The following VSTM2B variants were observed in gnomAD, a reference collection of about 807,000 sequenced individuals.
VSTM2B encodes V-set and transmembrane domain containing 2B, also known as V-set and transmembrane domain-containing protein 2B.
Under a neutral mutation model 24.0 loss-of-function variants are expected in VSTM2B, and 24 were observed. The observed-to-expected ratio is 1.00, with a 90% CI of 0.72 to 1.40. The LOEUF is 1.40. VSTM2B is among the 40% of genes most tolerant of loss of function. The probability of loss-of-function intolerance (pLI) is 0.00; values close to 1 mark genes in which losing one functional copy is unlikely to be tolerated. For synonymous variants in VSTM2B, 226 were observed against 194.4 expected, an observed-to-expected ratio of 1.16 and a Z score of -1.35; for missense variants, 399 against 416.4, an observed-to-expected ratio of 0.96 and a Z score of 0.36.
intron 4 of VSTM2B, among the ~76,000 whole-genome samples, 172 bp downstream of exon 4, chr19:29,530,462 T>C (rs749304829): frequency 2.6e-5 from 4 of 152,108 alleles, no homozygotes; most frequent in Non-Finnish European, 5.9e-5. Flanking sequence ...CTTCCCGCGG[T>C]TTCTCTGTCT....
intron 4 of VSTM2B, among the ~76,000 whole-genome samples, chr19:29,547,857 T>A (rs765487815): frequency 2.9e-4 from 44 of 151,848 alleles, no homozygotes; most frequent in Non-Finnish European, 4.9e-4. Flanking sequence ...CCAGAGCACA[T>A]GGCTGCAGCA....
At chr19:29,538,009 G>A (rs923653609) in intron 4 of VSTM2B, among the ~76,000 whole-genome samples, 8 of 152,104 alleles carry the variant, frequency 5.3e-5, no homozygotes, top group South Asian at 2.1e-4. Flanking sequence ...TCCAACCATC[G>A]CATTCTCTCC....
intron 4 of VSTM2B, among the ~76,000 whole-genome samples, chr19:29,549,573 C>A (rs1164338700): frequency 6.6e-6 from 1 of 151,412 alleles, no homozygotes; most frequent in Non-Finnish European, 1.5e-5. Context: ...CAGACACTGG[C>A]CCCAATGCTG....
At chr19:29,551,905 G>A (rs1380214248) in intron 4 of VSTM2B, among the ~76,000 whole-genome samples, 1 of 152,204 alleles carries the variant, frequency 6.6e-6, no homozygotes, top group African/African-American at 2.4e-5. Context: ...TAAAAAAAGA[G>A]GCTACAGGGA....
chr19:29,535,547 G>C (rs1305562655), intron 4 of VSTM2B, among the ~76,000 whole-genome samples: 1 of 152,168 alleles, frequency 6.6e-6, no homozygotes, highest in African/African-American at 2.4e-5. Flanking sequence ...TTAATAATGA[G>C]AGAAAGACAG....
intron 4 of VSTM2B, 95 bp from the exon 5 acceptor site, chr19:29,563,751 C>T (rs1253025908): frequency 2.6e-6 from 3 of 1,164,710 alleles, no homozygotes; most frequent in Non-Finnish European, 3.7e-6. Context: ...TGAGTGGCCC[C>T]AGCCTGGGGA....
At chr19:29,551,009 G>A (rs1377471542) in intron 4 of VSTM2B, among the ~76,000 whole-genome samples, 1 of 152,160 alleles carries the variant, frequency 6.6e-6, no homozygotes, top group Non-Finnish European at 1.5e-5. Flanking sequence ...ACTACAGCTG[G>A]GGCCCATATT....
rs1340323139 is a variant in VSTM2B at position 29,526,883 on chromosome 19, G to A, written c.82+218G>A. 1.3e-5 allele frequency: 5 copies of A among 372,642 alleles called. No individual in the cohort carries two copies. The highest frequency in any genetic ancestry group is 5.4e-5 in the East Asian group (1 of 18,600). The allele number at this position is 372,642 out of a possible 1,614,324, so 23.1% of individuals were successfully genotyped here. On this transcript the variant is annotated intron_variant, in intron 1 of 4. Transcript: ENST00000335523. The surrounding 1 kb of genome is among the most constrained non-coding windows in gnomAD (Gnocchi z 4.1). ...TCGTTCCCAGTCCCGCCGGGGCCCC[G>A]GCTGCGGAAAGGATGCCTGCGGGGA...
In VSTM2B at chr19:29,530,058, C is replaced by A. The variant is rs1287273029; in HGVS notation, c.537C>A (p.Ala179=). 1.3e-6 allele frequency: 2 copies of A among 1,512,706 alleles called. No individual in the cohort carries two copies. The highest frequency in any genetic ancestry group is 1.4e-5 in the African/African-American group (1 of 69,752). 93.7% of individuals were successfully genotyped at this position (1,512,706 alleles called of 1,614,324 possible). ...CGCGTCGCCACGGCCCAGCCAGCGC[C>A]GCCAACGCCAACAACGCGGGCGCCG... ...SGPRRHGPAS[A]ANANNAGAAS... The change falls in exon 4 of 5, where the codon GCC becomes GCA. Residue 179 remains alanine (A), a synonymous_variant. Coordinates refer to ENST00000335523, the MANE Select transcript of VSTM2B (RefSeq NM_001146339.2).
chr19:29,529,782 G>A (rs1319658065), intron 3 of VSTM2B, 37 bp from the exon 4 acceptor site: 2 of 1,539,268 alleles, frequency 1.3e-6, no homozygotes, highest in Non-Finnish European at 1.8e-6. Flanking sequence ...AGGTTTGGGA[G>A]CTGCCCAGCC....
In VSTM2B at chr19:29,538,195, GATAC is replaced by G. The variant is rs376667279; in HGVS notation, c.769+7908_769+7911del. Among the ~76,000 whole-genome samples, 11 of 152,186 alleles carry G rather than the reference GATAC, an allele frequency of 7.2e-5. No individual in the cohort carries two copies. In the East Asian group the frequency reaches 1.9e-3, roughly 27 times the overall value. ...CCCTAAGTATTATGCTTGTTTTCCG[GATAC>G]ATCCAACCATTTGATTGGAATCTTG... On this transcript the variant is annotated intron_variant, in intron 4 of 4. Coordinates refer to ENST00000335523, the MANE Select transcript of VSTM2B (RefSeq NM_001146339.2).
At position 29,529,833 on chromosome 19, in the gene VSTM2B, G is replaced by A. The variant is rs1409220575; in HGVS notation, c.312G>A (p.Gln104=). Residue 104 remains glutamine, a synonymous_variant, in exon 4 of 5, where the codon CAG becomes CAA. Coordinates refer to ENST00000335523, the MANE Select transcript of VSTM2B (RefSeq NM_001146339.2). Reference sequence around the variant, plus strand: ...CTCTCTTGCAGACCGTACGCGTCCAGGGCAATGACATCTCACACCGGCTTC... The same window carrying A: ...CTCTCTTGCAGACCGTACGCGTCCAAGGCAATGACATCTCACACCGGCTTC... ...DATKISTVRV[Q]GNDISHRLRL... 1 of 1,549,802 alleles carries A rather than the reference G, an allele frequency of 6.5e-7. No individual in the cohort carries two copies. The highest frequency in any genetic ancestry group is 1.4e-5 in the African/African-American group (1 of 73,026).
chr19:29,546,791 G>T (rs951614357), intron 4 of VSTM2B, among the ~76,000 whole-genome samples: 2 of 152,230 alleles, frequency 1.3e-5, no homozygotes, highest in African/African-American at 4.8e-5. Context: ...TCATTAAAGG[G>T]CCATTGGGGG....
At chr19:29,555,579 CAG>C (rs1248199018) in intron 4 of VSTM2B, among the ~76,000 whole-genome samples, 2 of 151,770 alleles carry the variant, frequency 1.3e-5, no homozygotes, top group African/African-American at 2.4e-5. Context: ...CTAAAGGAAA[CAG>C]AGACATGAAA....
At chr19:29,561,882 G>A (rs920044179) in intron 4 of VSTM2B, among the ~76,000 whole-genome samples, 1 of 152,190 alleles carries the variant, frequency 6.6e-6, no homozygotes, top group Non-Finnish European at 1.5e-5. Flanking sequence ...AGTGACAAAC[G>A]CAGGACGATT....
chr19:29,555,815 G>A (rs1376158588), intron 4 of VSTM2B, among the ~76,000 whole-genome samples: 2 of 152,054 alleles, frequency 1.3e-5, no homozygotes, highest in East Asian at 1.9e-4. Flanking sequence ...TATAAGAAAC[G>A]AAAAAATTTC....
intron 4 of VSTM2B, among the ~76,000 whole-genome samples, chr19:29,552,896 C>G (rs1970318531): frequency 6.6e-6 from 1 of 152,180 alleles, no homozygotes; most frequent in African/African-American, 2.4e-5. Context: ...TCCCTCCTCA[C>G]CTGGTGGGGC....
chr19:29,527,481 T>C (rs1332244167), intron 2 of VSTM2B, 86 bp downstream of exon 2: 2 of 1,260,208 alleles, frequency 1.6e-6, no homozygotes, highest in African/African-American at 3.2e-5. Context: ...AGCAGCGGGC[T>C]TCACTCGCGC....
Position 29,530,273 on chromosome 19 carries a change from G to T in VSTM2B, c.752G>T (p.Arg251Leu). Reference protein sequence around the residue: ...SPPSGQAVLLRQRHGSGTGRS... With the variant: ...SPPSGQAVLLLQRHGSGTGRS... The stretch of plus-strand genomic sequence containing the variant: ...CCATCGGGACAGGCGGTCCTGCTGC[G>T]CCAGAGGCACGGCTCGGGTAAGGGA... The change falls in exon 4 of 5, where the codon CGC (arginine) becomes CTC (leucine). Residue 251 changes from arginine (R) to leucine (L), a missense_variant. By Grantham distance (102) the Arg-to-Leu change is moderately radical. Transcript: ENST00000335523. 6.0e-6 allele frequency: 9 copies of T among 1,501,492 alleles called. No homozygotes were observed. The highest frequency in any genetic ancestry group is 6.2e-6 in the Non-Finnish European group (7 of 1,132,624). The allele number at this position is 1,501,492 out of a possible 1,614,324, so 93.0% of individuals were successfully genotyped here.
Sources: allele counts gnomAD v4.1 joint callset (sites outside exome capture counted in the v4.1 genomes callset), GRCh38; gene constraint gnomAD v4.1.1; non-coding constraint Gnocchi (gnomAD v3.1); transcripts MANE v1.5; gene names NCBI Gene and HGNC (gene_info 2026-07-23, HGNC 2026-07-21).